The following PIK3C2A variants were observed in gnomAD, a reference collection of about 807,000 sequenced individuals.
The protein encoded by PIK3C2A is phosphatidylinositol 4-phosphate 3-kinase C2 domain-containing subunit alpha.
A neutral mutation model predicts 204.5 loss-of-function variants in PIK3C2A; 97 were observed. The ratio of observed to expected loss-of-function variants is 0.47; its 90% confidence interval spans 0.40 to 0.56. The LOEUF is 0.56. Ranked by LOEUF, PIK3C2A falls within the 20% of genes least tolerant of loss-of-function variation. The pLI is 0.00. For missense variants in PIK3C2A, 1,735 were observed against 1,969.2 expected (o/e 0.88, Z 2.25); for synonymous variants, 653 against 664.4 (o/e 0.98, Z 0.26).
rs1042289874 is a variant in PIK3C2A at position 17,155,639 on chromosome 11, A to G, written c.1066-10T>C. The G allele has an allele frequency of 6.6e-7, 1 of 1,517,902 alleles. No homozygotes were observed. Among genetic ancestry groups the G allele is most frequent in the Non-Finnish European group, 9.1e-7 (1 of 1,096,164 alleles). The allele number at this position is 1,517,902 out of a possible 1,614,324, so 94.0% of individuals were successfully genotyped here. A position where few individuals can be genotyped will look rare whatever the true frequency, so the allele number is the denominator to read the frequency against. On this transcript the variant is annotated splice_polypyrimidine_tract_variant and intron_variant, in intron 2 of 32. Coordinates refer to ENST00000691414, the MANE Select transcript of PIK3C2A (RefSeq NM_002645.4). ...TCCCATTTGGGTCTTTCTGTAATTA[A>G]AAAAGTGTTTTTATTTTAAAAGTGG...
At chr11:17,139,997 T>C (rs986192677) in intron 8 of PIK3C2A, among the ~76,000 whole-genome samples, 5 of 152,190 alleles carry the variant, frequency 3.3e-5, no homozygotes, top group Non-Finnish European at 7.3e-5. Flanking sequence ...CCATTCCCTA[T>C]AGGATATTAA....
chr11:17,194,394 G>A (rs1852066990), intron 1 of PIK3C2A: 1 of 208,684 alleles, frequency 4.8e-6, no homozygotes, highest in Non-Finnish European at 9.7e-6. Context: ...CTCACCTCCT[G>A]TGCTATTTGT....
In PIK3C2A at chr11:17,168,962, T is replaced by C. The variant is rs768850239; in HGVS notation, c.780A>G (p.Pro260=). The C allele has an allele frequency of 1.4e-5, 22 of 1,614,032 alleles. No homozygotes were observed. The highest frequency in any genetic ancestry group is 2.2e-5 in the East Asian group (1 of 44,890). ...DSKVSNLQVS[P]KSEDISKFDW... is the part of the protein sequence containing the mutation. ...CAAATTTACTGATATCCTCAGACTT[T>C]GGAGATACCTGTAGATTGCTGACTT... is the stretch of plus-strand genomic sequence containing the variant. Residue 260 remains proline (P), a synonymous_variant, in exon 2 of 33, where the codon CCA becomes CCG. Transcript: ENST00000691414.
intron 15 of PIK3C2A, 91 bp downstream of exon 15, chr11:17,122,097 A>G: frequency 2.7e-6 from 2 of 739,998 alleles, no homozygotes; most frequent in Non-Finnish European, 4.4e-6. Context: ...CTGATAAATC[A>G]TGAACAGAAT....
intron 21 of PIK3C2A, among the ~76,000 whole-genome samples, chr11:17,111,885 AAAAAAAAAAAAAAAAATTC>A (rs1391042801): frequency 6.7e-6 from 1 of 149,798 alleles, no homozygotes; most frequent in African/African-American, 2.4e-5. Flanking sequence ...TCCAAAACAA[AAAAAAAAAAAAAAAAATTC>A]AAAAAAAAAA....
intron 1 of PIK3C2A, among the ~76,000 whole-genome samples, chr11:17,202,259 G>GA (rs551023337): frequency 0.32 from 30,052 of 92,614 alleles, 4,310 homozygotes; most frequent in East Asian, 0.46. Flanking sequence ...TTCATCTCCA[G>GA]AAAAAAAAAA....
rs1448634228 is a variant in PIK3C2A at position 17,117,635 on chromosome 11, A to G, written c.3072T>C (p.Ser1024=). The part of the protein sequence containing the change: ...LKDALHDVQF[S]TRYEHVLGAL... ...CACCCAAAACATGTTCGTATCGGGT[A>G]CTAAACTGTACATCATGCAGGGCAT... The change falls in exon 19 of 33, where the codon AGT becomes AGC. Residue 1024 remains serine, a synonymous_variant. Coordinates refer to ENST00000691414, the MANE Select transcript of PIK3C2A (RefSeq NM_002645.4). The G allele has an allele frequency of 1.9e-6, 3 of 1,612,054 alleles. No individual in the cohort carries two copies. The highest frequency in any genetic ancestry group is 2.5e-6 in the Non-Finnish European group (3 of 1,178,470).
chr11:17,097,592 G>A (rs1358491841), intron 26 of PIK3C2A, among the ~76,000 whole-genome samples: 1 of 152,160 alleles, frequency 6.6e-6, no homozygotes, highest in Non-Finnish European at 1.5e-5. Flanking sequence ...TTTAATAAAG[G>A]AGAAAGATGA....
At chr11:17,169,895 T>C (rs529761197) in intron 1 of PIK3C2A, 89 bp from the exon 2 acceptor site, 1 of 583,152 alleles carries the variant, frequency 1.7e-6, no homozygotes, top group Admixed American at 3.5e-5. Context: ...CTTTGGACTT[T>C]AAGCCACTTA....
chr11:17,131,810 GA>G (rs1849704773), intron 12 of PIK3C2A, 105 bp downstream of exon 12: 2 of 854,836 alleles, frequency 2.3e-6, no homozygotes, highest in Non-Finnish European at 3.8e-6. Context: ...AGAAGTTAAT[GA>G]ATTTCAATGA....
At chr11:17,177,571 T>C (rs1477199068) in intron 1 of PIK3C2A, among the ~76,000 whole-genome samples, 1 of 152,090 alleles carries the variant, frequency 6.6e-6, no homozygotes, top group South Asian at 2.1e-4. Context: ...GAGATGGTAA[T>C]AGAAAACTAA....
At position 17,163,129 on chromosome 11, in the gene PIK3C2A, A is replaced by G. The variant is rs190454334; in HGVS notation, c.1065+5548T>C. On this transcript the variant is annotated intron_variant, in intron 2 of 32. Coordinates refer to ENST00000691414, the MANE Select transcript of PIK3C2A (RefSeq NM_002645.4). ...GAGACCAGCCTAGTCAACATGGTGT[A>G]ACCCCAACTCTACTAAAAATACAAA... 3.8e-3 allele frequency among the ~76,000 whole-genome samples: 582 copies of G among 152,232 alleles called. 2 individuals are homozygous for G. Among genetic ancestry groups the G allele is most frequent in the African/African-American group, 0.013 (533 of 41,556 alleles).
At chr11:17,173,711 G>A (rs1851249560) in intron 1 of PIK3C2A, among the ~76,000 whole-genome samples, 1 of 152,160 alleles carries the variant, frequency 6.6e-6, no homozygotes. Flanking sequence ...AAGTGCAAAG[G>A]CCTACTTGTT....
At chr11:17,132,149 G>T in intron 11 of PIK3C2A, 111 bp from the exon 12 acceptor site, 1 of 631,418 alleles carries the variant, frequency 1.6e-6, no homozygotes, top group South Asian at 2.2e-5. Flanking sequence ...GAAATAATCT[G>T]GTCACCTTTC....
intron 22 of PIK3C2A, among the ~76,000 whole-genome samples, chr11:17,108,288 C>T (rs1848895400): frequency 1.3e-5 from 2 of 152,212 alleles, no homozygotes; most frequent in South Asian, 4.1e-4. Flanking sequence ...ACGTCCTACA[C>T]ATGGTTCTAA....
At chr11:17,158,062 A>C (rs887002079) in intron 2 of PIK3C2A, among the ~76,000 whole-genome samples, 1 of 152,076 alleles carries the variant, frequency 6.6e-6, no homozygotes, top group Non-Finnish European at 1.5e-5. Flanking sequence ...AAATCTATTA[A>C]TTTTTGGCTG....
intron 20 of PIK3C2A, 100 bp downstream of exon 20, chr11:17,114,261 T>C: frequency 1.5e-6 from 1 of 654,842 alleles, no homozygotes; most frequent in South Asian, 1.9e-5. Flanking sequence ...AACCAACCTG[T>C]GCAGGTTTTA....
At chr11:17,148,635 A>G (rs759548494) in intron 5 of PIK3C2A, 32 bp downstream of exon 5, 3 of 1,596,586 alleles carry the variant, frequency 1.9e-6, no homozygotes, top group Non-Finnish European at 1.7e-6. Context: ...TGAAATTTCC[A>G]AGGATGTTGC....
At chr11:17,203,071 T>C (rs1852444454) in intron 1 of PIK3C2A, among the ~76,000 whole-genome samples, 1 of 152,246 alleles carries the variant, frequency 6.6e-6, no homozygotes, top group Admixed American at 6.5e-5. Flanking sequence ...TTTGTTTTTG[T>C]ACCCAAATAG....
Sources: allele counts gnomAD v4.1 joint callset (sites outside exome capture counted in the v4.1 genomes callset), GRCh38; gene constraint gnomAD v4.1.1; transcripts MANE v1.5; gene names NCBI Gene and HGNC (gene_info 2026-07-23, HGNC 2026-07-21).